CPAMD8: variants seen among roughly 807,000 people sequenced by gnomAD.
The protein encoded by CPAMD8 is C3 and PZP like alpha-2-macroglobulin domain containing 8, also known as C3 and PZP-like alpha-2-macroglobulin domain-containing protein 8.
CPAMD8 carries 146 observed loss-of-function variants against 224.7 expected under a neutral mutation model. That is an observed-to-expected ratio of 0.65 (90% CI 0.57 to 0.75). The LOEUF (loss-of-function observed/expected upper bound fraction) is 0.75. CPAMD8 is among the 30% of genes least tolerant of loss of function. The pLI is 0.00. For synonymous variants in CPAMD8, 966 were observed against 1,044.6 expected, an observed-to-expected ratio of 0.92 and a Z score of 1.45; for missense variants, 2,301 against 2,537.5, an observed-to-expected ratio of 0.91 and a Z score of 2.00.
At chr19:16,985,281 T>G (rs535129969) in intron 13 of CPAMD8, among the ~76,000 whole-genome samples, 1 of 150,244 alleles carries the variant, frequency 6.7e-6, no homozygotes, top group South Asian at 2.1e-4. Context: ...AGTGGATGAA[T>G]GGATGGATGA....
At chr19:16,967,940 T>TATATACAC (rs2054916142) in intron 18 of CPAMD8, among the ~76,000 whole-genome samples, 4 of 148,996 alleles carry the variant, frequency 2.7e-5, no homozygotes, top group Admixed American at 1.3e-4. Context: ...TGTATATATA[T>TATATACAC]ACATGTTGCT....
chr19:17,010,341 C>T (rs1284674585), intron 5 of CPAMD8, among the ~76,000 whole-genome samples: 1 of 152,036 alleles, frequency 6.6e-6, no homozygotes, highest in Non-Finnish European at 1.5e-5. Flanking sequence ...CTCAAGAGAT[C>T]CTCCTGACTC....
At chr19:17,001,773 T>C (rs556148721) in intron 9 of CPAMD8, among the ~76,000 whole-genome samples, 40 of 147,018 alleles carry the variant, frequency 2.7e-4, no homozygotes, top group African/African-American at 9.8e-4. Flanking sequence ...GGAAGCCCGG[T>C]TGTTGGGGGA....
chr19:16,974,331 G>A (rs1350463566), intron 17 of CPAMD8, among the ~76,000 whole-genome samples: 2 of 151,942 alleles, frequency 1.3e-5, no homozygotes, highest in Non-Finnish European at 2.9e-5. Context: ...AGTGGCTCAT[G>A]CCTCTAATCC....
chr19:16,949,975 C>T (rs1036911304), intron 20 of CPAMD8, among the ~76,000 whole-genome samples: 8 of 152,154 alleles, frequency 5.3e-5, no homozygotes, highest in Non-Finnish European at 1.0e-4. Flanking sequence ...ACAGACCCTT[C>T]TTCCTTGGCC....
chr19:16,970,753 C>T, intron 18 of CPAMD8, 138 bp downstream of exon 18: 1 of 807,158 alleles, frequency 1.2e-6, no homozygotes. Context: ...CCCCAAGAAC[C>T]ATGTGAAATA....
Position 16,921,827 on chromosome 19 carries a change from G to A in CPAMD8, c.3629+78C>T, listed in dbSNP as rs112489090. On this transcript the variant is annotated intron_variant, in intron 27 of 41. Coordinates refer to ENST00000443236, the MANE Select transcript of CPAMD8 (RefSeq NM_015692.5). The stretch of plus-strand genomic sequence containing the variant: ...CGGGGATCAGGCGCCAAGTGATCTG[G>A]TCACACTGCATTGGATGTGAGGCCA... The A allele has an allele frequency of 1.1e-4, 102 of 917,250 alleles. No homozygotes were observed. The African/African-American group carries it at 1.4e-3, about 12-fold the overall frequency. The allele number at this position is 917,250 out of a possible 1,614,324, so 56.8% of individuals were successfully genotyped here. A position where few individuals can be genotyped will look rare whatever the true frequency, so the allele number is the denominator to read the frequency against.
At chr19:16,904,989 C>T (rs1282026325) in intron 30 of CPAMD8, among the ~76,000 whole-genome samples, 2 of 152,210 alleles carry the variant, frequency 1.3e-5, no homozygotes, top group East Asian at 1.9e-4. Flanking sequence ...GCCTGTAATC[C>T]GAGCACTTTG....
In CPAMD8 at chr19:16,899,634, C is replaced by G; in HGVS notation, c.4774-85G>C. The stretch of plus-strand genomic sequence containing the variant: ...CCTGGGGGCAGTGGTCAGTGGGATG[C>G]TTGGACTTGCCCACAAGTTACCATG... On this transcript the variant is annotated intron_variant, in intron 36 of 41. Coordinates refer to ENST00000443236, the MANE Select transcript of CPAMD8 (RefSeq NM_015692.5). The surrounding 1 kb of genome is among the most constrained non-coding windows in gnomAD (Gnocchi z 5.4). 1 of 756,730 alleles carries G rather than the reference C, an allele frequency of 1.3e-6. No individual in the cohort carries two copies. The highest frequency in any genetic ancestry group is 2.4e-6 in the Non-Finnish European group (1 of 415,330). 46.9% of individuals were successfully genotyped at this position (756,730 alleles called of 1,614,324 possible).
At chr19:17,020,986 TC>T (rs1263934256) in intron 2 of CPAMD8, among the ~76,000 whole-genome samples, 2 of 151,970 alleles carry the variant, frequency 1.3e-5, no homozygotes, top group African/African-American at 2.4e-5. Flanking sequence ...GCATAGGCCT[TC>T]CCCCTGGTCA....
chr19:16,923,350 G>A (rs1306981960), intron 26 of CPAMD8, among the ~76,000 whole-genome samples: 8 of 152,184 alleles, frequency 5.3e-5, no homozygotes, highest in Non-Finnish European at 1.0e-4. Flanking sequence ...CGACAGAGGT[G>A]GGGAGCCTTC....
At chr19:17,000,584 T>C in intron 9 of CPAMD8, 62 bp from the exon 10 acceptor site, 1 of 782,764 alleles carries the variant, frequency 1.3e-6, no homozygotes, top group Non-Finnish European at 2.3e-6. Flanking sequence ...GGGCCCAGCC[T>C]CAGGAAGGCC....
intron 19 of CPAMD8, among the ~76,000 whole-genome samples, chr19:16,954,800 T>A (rs979531990): frequency 1.7e-4 from 25 of 147,258 alleles, no homozygotes; most frequent in Non-Finnish European, 3.3e-4. Context: ...CTGGTCAACA[T>A]GGTGAAACCC....
At chr19:16,900,081 C>G (rs1480703089) in intron 36 of CPAMD8, among the ~76,000 whole-genome samples, 1 of 152,074 alleles carries the variant, frequency 6.6e-6, no homozygotes, top group Admixed American at 6.6e-5. Context: ...CTGAAACCCT[C>G]GCTTCTTGGT....
At chr19:16,933,473 T>A (rs1362140186) in intron 23 of CPAMD8, among the ~76,000 whole-genome samples, 1 of 152,048 alleles carries the variant, frequency 6.6e-6, no homozygotes, top group East Asian at 1.9e-4. Context: ...TATTTTCAAA[T>A]CTCAAAATGC....
At chr19:16,987,204 ATATATG>A (rs1417366458) in intron 13 of CPAMD8, among the ~76,000 whole-genome samples, 1 of 125,370 alleles carries the variant, frequency 8.0e-6, no homozygotes, top group South Asian at 2.6e-4. Context: ...ATATATATAT[ATATATG>A]TATATGTGGG....
chr19:16,943,735 G>A (rs2053981280), intron 22 of CPAMD8, among the ~76,000 whole-genome samples: 1 of 152,146 alleles, frequency 6.6e-6, no homozygotes, highest in Non-Finnish European at 1.5e-5. Context: ...AAATGCCTGT[G>A]TGACAACAGC....
At chr19:16,935,360 C>CTA (rs2053653637) in intron 23 of CPAMD8, among the ~76,000 whole-genome samples, 1 of 152,132 alleles carries the variant, frequency 6.6e-6, no homozygotes, top group Non-Finnish European at 1.5e-5. Context: ...TAAACATTCC[C>CTA]AACACCACAG....
intron 13 of CPAMD8, 86 bp downstream of exon 13, chr19:16,989,557 G>A (rs1291674147): frequency 6.6e-7 from 1 of 1,511,200 alleles, no homozygotes; most frequent in Non-Finnish European, 9.0e-7. Context: ...AAAATGCTGG[G>A]ATTACAGGCA....
Sources: allele counts gnomAD v4.1 joint callset (sites outside exome capture counted in the v4.1 genomes callset), GRCh38; gene constraint gnomAD v4.1.1; non-coding constraint Gnocchi (gnomAD v3.1); transcripts MANE v1.5; gene names NCBI Gene and HGNC (gene_info 2026-07-23, HGNC 2026-07-21).